Variants in INTS4 observed in about 807,000 individuals in gnomAD.
The protein encoded by INTS4 is integrator complex subunit 4.
INTS4 carries 70 observed loss-of-function variants against 119.5 expected under a neutral mutation model. The observed-to-expected ratio is 0.59, with a 90% CI of 0.48 to 0.71. The LOEUF is 0.71. Among genes scored for constraint, INTS4 ranks in the 30% least tolerant of loss-of-function variants. The pLI is 0.00. For synonymous variants in INTS4, 316 were observed against 419.6 expected (o/e 0.75, Z 3.02); for missense variants, 867 against 1,173.2 (o/e 0.74, Z 3.81).
intron 8 of INTS4, among the ~76,000 whole-genome samples, chr11:77,955,069 G>C (rs1954286046): frequency 6.6e-6 from 1 of 152,124 alleles, no homozygotes; most frequent in African/African-American, 2.4e-5. Context: ...GCTGGGAGTA[G>C]TGGCTTAAAC....
chr11:77,958,606 G>A, intron 7 of INTS4, 140 bp downstream of exon 7: 2 of 609,654 alleles, frequency 3.3e-6, no homozygotes, highest in South Asian at 2.0e-5. Flanking sequence ...TGATTTTCAG[G>A]GCCTGTGCTT....
intron 18 of INTS4, among the ~76,000 whole-genome samples, chr11:77,900,053 T>A (rs1470012723): frequency 1.3e-5 from 2 of 152,042 alleles, no homozygotes. Context: ...CAGCTATAAC[T>A]GGCACATAGT....
At position 77,963,813 on chromosome 11, in the gene INTS4, A is replaced by G. The variant is rs978826395; in HGVS notation, c.472-2675T>C. Among the ~76,000 whole-genome samples, 6 of 152,158 alleles carry G rather than the reference A, an allele frequency of 3.9e-5. No homozygotes were observed. The South Asian group carries it at 8.3e-4, about 21-fold the overall frequency. Reference sequence around the variant, plus strand: ...ATACTCCCACCTCAGTCTCCTGAGTAGCTGGGGACCACAGGTGTGTGCCAT... The same window carrying G: ...ATACTCCCACCTCAGTCTCCTGAGTGGCTGGGGACCACAGGTGTGTGCCAT... On this transcript the variant is annotated intron_variant, in intron 4 of 22. Transcript: ENST00000534064.
chr11:77,928,320 G>A, intron 11 of INTS4, 22 bp downstream of exon 11: 2 of 1,611,938 alleles, frequency 1.2e-6, no homozygotes, highest in South Asian at 1.1e-5. Context: ...GAAGAAATGA[G>A]TAACAAATTA....
chr11:77,882,175 C>T (rs4944178), intron 22 of INTS4, among the ~76,000 whole-genome samples: 19,695 of 152,110 alleles, frequency 0.13, 1,453 homozygotes, highest in Admixed American at 0.2. Flanking sequence ...CTCAGCCTCC[C>T]GAAGATTACA....
At chr11:77,910,252 A>G (rs1240125410) in intron 15 of INTS4, among the ~76,000 whole-genome samples, 1 of 151,962 alleles carries the variant, frequency 6.6e-6, no homozygotes, top group Non-Finnish European at 1.5e-5. Flanking sequence ...ACCATGGAAT[A>G]CTATGCAGCC....
rs1028048907 is a variant in INTS4 at position 77,991,096 on chromosome 11, A to C, written c.246+12T>G. ...ATGATATACTCCCATCAGATCCTCA[A>C]GATTTTCTTACCTTGTAATAATGTT... On this transcript the variant is annotated intron_variant, in intron 2 of 22. Transcript: ENST00000534064. 3 of 1,610,834 alleles carry C rather than the reference A, an allele frequency of 1.9e-6. No individual in the cohort carries two copies. Among genetic ancestry groups the C allele is most frequent in the Non-Finnish European group, 2.5e-6 (3 of 1,177,184 alleles).
chr11:77,948,164 A>G (rs2136544790), intron 8 of INTS4, among the ~76,000 whole-genome samples: 1 of 148,378 alleles, frequency 6.7e-6, no homozygotes, highest in Non-Finnish European at 1.5e-5. Context: ...AAGACTCTGT[A>G]GTAACTATGT....
chr11:77,983,196 T>C (rs905544916), intron 2 of INTS4, among the ~76,000 whole-genome samples: 36 of 152,220 alleles, frequency 2.4e-4, no homozygotes, highest in African/African-American at 7.0e-4. Flanking sequence ...AATGGGCATA[T>C]AGTAAGCAGT....
At chr11:77,904,529 C>T (rs1034126303) in intron 16 of INTS4, among the ~76,000 whole-genome samples, 2 of 152,186 alleles carry the variant, frequency 1.3e-5, no homozygotes, top group Admixed American at 1.3e-4. Context: ...GTGTATTTTG[C>T]ACTTAATAAC....
chr11:77,971,657 A>T (rs1041065730), intron 4 of INTS4, among the ~76,000 whole-genome samples: 8 of 152,198 alleles, frequency 5.3e-5, no homozygotes, highest in African/African-American at 1.9e-4. Flanking sequence ...AAACAAAAAA[A>T]ACAAAAATAC....
downstream of INTS4, chr11:77,878,677 T>A: frequency 1.5e-6 from 1 of 672,704 alleles, no homozygotes; most frequent in Non-Finnish European, 2.7e-6. Context: ...AAGCTGAAGC[T>A]ATAGCCACAC....
intron 4 of INTS4, among the ~76,000 whole-genome samples, chr11:77,966,664 T>C (rs1358224315): frequency 1.3e-5 from 2 of 152,208 alleles, no homozygotes; most frequent in African/African-American, 4.8e-5. Context: ...TTTATGCCAG[T>C]ACCATGTTGT....
intron 3 of INTS4, among the ~76,000 whole-genome samples, chr11:77,979,727 C>G (rs112408979): frequency 6.7e-6 from 1 of 150,008 alleles, no homozygotes; most frequent in African/African-American, 2.4e-5. Flanking sequence ...TGCCTGTAAT[C>G]CCAGCACTTT....
In INTS4 at chr11:77,986,419, G is replaced by A. The variant is rs560708796; in HGVS notation, c.246+4689C>T. On this transcript the variant is annotated intron_variant, in intron 2 of 22. Transcript: ENST00000534064. ...GTAAATTAGTTCAACCATTGTGGAA[G>A]AGAGTGCGGCAATTCCTCAAGGATC... is the stretch of plus-strand genomic sequence containing the variant. 2.6e-5 allele frequency among the ~76,000 whole-genome samples: 4 copies of A among 152,320 alleles called. No homozygotes were observed. In the East Asian group the frequency reaches 5.8e-4, roughly 22 times the overall value.
intron 1 of INTS4, among the ~76,000 whole-genome samples, chr11:77,991,589 A>C (rs548999643): frequency 1.3e-5 from 2 of 151,386 alleles, no homozygotes; most frequent in East Asian, 3.9e-4. Flanking sequence ...GAGTCTCTCT[A>C]TGTTGCCCAG....
chr11:77,960,954 A>G lies in INTS4; in HGVS notation c.656T>C (p.Met219Thr). The G allele has an allele frequency of 6.3e-7, 1 of 1,596,278 alleles. No individual in the cohort carries two copies. Among genetic ancestry groups the G allele is most frequent in the East Asian group, 2.2e-5 (1 of 44,506 alleles). Residue 219 changes from methionine to threonine, a missense_variant and splice_region_variant, in exon 5 of 23, where the codon ATG becomes ACG. Met to Thr is a moderately conservative substitution (Grantham distance 81). Around this residue, in one of 5 missense-constraint regions of INTS4, gnomAD observed 208 missense variants for 306.6 expected, o/e 0.68. Coordinates refer to ENST00000534064, the MANE Select transcript of INTS4 (RefSeq NM_033547.4). Reference sequence around the variant, plus strand: ...ACTAGTTTCCATAATCACATTTACCATGGCTTTTATAGCTGCTGTTCTGAC... The same window carrying G: ...ACTAGTTTCCATAATCACATTTACCGTGGCTTTTATAGCTGCTGTTCTGAC... ...PRVRTAAIKA[M>T]LQLHERGLKL...
At chr11:77,975,987 T>A (rs1274676238) in intron 4 of INTS4, among the ~76,000 whole-genome samples, 1 of 148,802 alleles carries the variant, frequency 6.7e-6, no homozygotes, top group African/African-American at 2.5e-5. Flanking sequence ...ACAAACGATT[T>A]AAAAAAAACA....
rs748971318 is a variant in INTS4 at position 77,924,906 on chromosome 11, A to G, written c.1372-14T>C. ...TCTGGATGAATCCTTTTAAAAAAAA[A>G]GTAATAATAACAGTAGTTACTGTTG... On this transcript the variant is annotated splice_polypyrimidine_tract_variant and intron_variant, in intron 11 of 22. Coordinates refer to ENST00000534064, the MANE Select transcript of INTS4 (RefSeq NM_033547.4). 5.3e-5 allele frequency: 85 copies of G among 1,595,712 alleles called. No homozygotes were observed. Among genetic ancestry groups the G allele is most frequent in the Non-Finnish European group, 6.3e-5 (74 of 1,166,432 alleles).
Sources: allele counts gnomAD v4.1 joint callset (sites outside exome capture counted in the v4.1 genomes callset), GRCh38; gene constraint gnomAD v4.1.1; regional missense constraint gnomAD v4.1.1; transcripts MANE v1.5; gene names NCBI Gene and HGNC (gene_info 2026-07-23, HGNC 2026-07-21).